The following CYP3A4 variants were observed in gnomAD, a reference collection of about 807,000 sequenced individuals.
The protein encoded by CYP3A4 is cytochrome P450 3A4.
CYP3A4 carries 41 observed loss-of-function variants against 54.9 expected under a neutral mutation model. The ratio of observed to expected loss-of-function variants is 0.75; its 90% confidence interval spans 0.58 to 0.97. The LOEUF (loss-of-function observed/expected upper bound fraction) is 0.97, where lower values mean the gene tolerates loss of function less well. Ranked by LOEUF, CYP3A4 falls within the 50% of genes least tolerant of loss-of-function variation. CYP3A4 has a pLI of 0.00. For missense variants in CYP3A4, 510 were observed against 597.3 expected (o/e 0.85, Z 1.52); for synonymous variants, 179 against 205.2 (o/e 0.87, Z 1.09).
In CYP3A4 at chr7:99,767,253, A is replaced by G. The variant is rs1455730652; in HGVS notation, c.676T>C (p.Phe226Leu). 1.9e-6 allele frequency: 3 copies of G among 1,577,280 alleles called. No individual in the cohort carries two copies. Among genetic ancestry groups the G allele is most frequent in the Non-Finnish European group, 2.6e-6 (3 of 1,168,930 alleles). ...LDPFFLSITVFPFLIPILEVL... is the reference protein window; with the variant it reads ...LDPFFLSITVLPFLIPILEVL... The stretch of plus-strand genomic sequence containing the variant: ...TCAAGAATTGGGATGAGGAATGGAA[A>G]GACTGCTGTAGGAAAAACAAAACAA... The change falls in exon 8 of 13, where the codon TTT (phenylalanine) becomes CTT (leucine). Residue 226 changes from phenylalanine (F) to leucine (L), a missense_variant. By Grantham distance (22) the Phe-to-Leu change is conservative (BLOSUM62 0). Around this residue, in one of 2 missense-constraint regions of CYP3A4, gnomAD observed 272 missense variants for 274.9 expected, o/e 0.99. Coordinates refer to ENST00000651514, the MANE Select transcript of CYP3A4 (RefSeq NM_017460.6).
intron 8 of CYP3A4, chr7:99,766,919 T>C (rs976333752): frequency 2.9e-5 from 13 of 448,700 alleles, no homozygotes; most frequent in African/African-American, 2.6e-4. Flanking sequence ...ATATCAAATT[T>C]CATGTGCTGT....
At position 99,768,360 on chromosome 7, in the gene CYP3A4, A is replaced by G. The variant is rs55785340; in HGVS notation, c.664T>C (p.Ser222Pro). Residue 222 changes from serine (S) to proline (P), a missense_variant, in exon 7 of 13, where the codon TCA becomes CCA. Transcript: ENST00000651514. Reference sequence around the variant, plus strand: ...GAAATAGTAGTCCACATACTTATTGAGAGAAAGAATGGATCCAAAAAATCA... The same window carrying G: ...GAAATAGTAGTCCACATACTTATTGGGAGAAAGAATGGATCCAAAAAATCA... ...RFDFLDPFFL[S>P]ITVFPFLIPI... 696 of 1,613,720 alleles carry G rather than the reference A, an allele frequency of 4.3e-4. 7 individuals are homozygous for G. The highest frequency in any genetic ancestry group is 4.3e-5 in the Non-Finnish European group (51 of 1,179,676).
At chr7:99,770,552 CAG>C (rs1815606761) in intron 4 of CYP3A4, among the ~76,000 whole-genome samples, 1 of 152,104 alleles carries the variant, frequency 6.6e-6, no homozygotes, top group Admixed American at 6.6e-5. Flanking sequence ...GTACAATAAA[CAG>C]AATCAAGACC....
chr7:99,768,282 T>C, intron 7 of CYP3A4, 72 bp downstream of exon 7: 1 of 1,455,292 alleles, frequency 6.9e-7, no homozygotes, highest in Non-Finnish European at 9.6e-7. Context: ...AATTACATGG[T>C]GATTTATATC....
intron 12 of CYP3A4, among the ~76,000 whole-genome samples, chr7:99,759,406 A>G (rs1815259646): frequency 6.9e-6 from 1 of 145,384 alleles, no homozygotes. Flanking sequence ...CTGCAGACAG[A>G]CATGCATGCC....
intron 6 of CYP3A4, 24 bp from the exon 7 acceptor site, chr7:99,768,526 A>G: frequency 1.2e-6 from 2 of 1,613,148 alleles, no homozygotes; most frequent in Non-Finnish European, 1.7e-6. Flanking sequence ...GATGTGGAAA[A>G]TTAAAATCAG....
In CYP3A4 at chr7:99,766,371, G is replaced by C; in HGVS notation, c.865+6C>G. 1 of 1,613,452 alleles carries C rather than the reference G, an allele frequency of 6.2e-7. No individual in the cohort carries two copies. The highest frequency in any genetic ancestry group is 8.5e-7 in the Non-Finnish European group (1 of 1,179,598). On this transcript the variant is annotated splice_donor_region_variant and intron_variant, in intron 9 of 12. Coordinates refer to ENST00000651514, the MANE Select transcript of CYP3A4 (RefSeq NM_017460.6). ...CACAAGTAGCCCTCAGAAACACTCT[G>C]GTTACCTTTGTGGGACTCAGTTTCT...
Position 99,762,213 on chromosome 7 carries a change from T to C in CYP3A4, c.1081A>G (p.Asn361Asp). ...LQMEYLDMVVNETLRLFPIAM... is the reference protein window; with the variant it reads ...LQMEYLDMVVDETLRLFPIAM... ...ATTGGGAATAATCTGAGCGTTTCAT[T>C]CACCACCATGTCAAGATACTCCATC... Residue 361 changes from asparagine to aspartate, a missense_variant, in exon 11 of 13, where the codon AAT becomes GAT. Around this residue, in one of 2 missense-constraint regions of CYP3A4, gnomAD observed 238 missense variants for 322.5 expected, o/e 0.74. Transcript: ENST00000651514. 1 of 1,614,094 alleles carries C rather than the reference T, an allele frequency of 6.2e-7. No individual in the cohort carries two copies. The highest frequency in any genetic ancestry group is 8.5e-7 in the Non-Finnish European group (1 of 1,179,998).
At chr7:99,774,830 A>T (rs1446091066) in intron 3 of CYP3A4, among the ~76,000 whole-genome samples, 1 of 152,228 alleles carries the variant, frequency 6.6e-6, no homozygotes, top group Non-Finnish European at 1.5e-5. Context: ...TAGTGTCGGA[A>T]GTTCTGAATA....
chr7:99,764,116 A>G, intron 9 of CYP3A4, 101 bp from the exon 10 acceptor site: 1 of 1,528,866 alleles, frequency 6.5e-7, no homozygotes, highest in South Asian at 1.2e-5. Context: ...TCCCTAAGGG[A>G]AAAGAATAGA....
intron 2 of CYP3A4, among the ~76,000 whole-genome samples, chr7:99,779,219 G>A (rs1408469318): frequency 1.3e-5 from 2 of 151,100 alleles, no homozygotes; most frequent in East Asian, 2.0e-4. Flanking sequence ...ATGTGATTCC[G>A]CCTTTGTGTA....
chr7:99,777,934 C>T (rs1324468119), intron 3 of CYP3A4, 94 bp downstream of exon 3: 4 of 962,718 alleles, frequency 4.2e-6, no homozygotes, highest in Non-Finnish European at 6.6e-6. Flanking sequence ...AGAGCTTCAT[C>T]CCAAGAGGCT....
In CYP3A4 at chr7:99,762,031, G is replaced by T; in HGVS notation, c.1253+10C>A. 1 of 1,613,600 alleles carries T rather than the reference G, an allele frequency of 6.2e-7. No homozygotes were observed. Among genetic ancestry groups the T allele is most frequent in the Non-Finnish European group, 8.5e-7 (1 of 1,179,596 alleles). ...GTTCAGGGAGGGCTCCCTTCCCAGGGGCCTTGTACCTTTCAGGGAGGAACT... is the reference window on the plus strand; with the variant it reads ...GTTCAGGGAGGGCTCCCTTCCCAGGTGCCTTGTACCTTTCAGGGAGGAACT... On this transcript the variant is annotated intron_variant, in intron 11 of 12. Transcript: ENST00000651514.
intron 2 of CYP3A4, among the ~76,000 whole-genome samples, chr7:99,779,228 TA>T (rs4646436): frequency 2.4e-4 from 36 of 148,358 alleles, no homozygotes; most frequent in African/African-American, 5.4e-4. Flanking sequence ...CGCCTTTGTG[TA>T]AAAAAAAAAC....
At chr7:99,763,370 A>T (rs1815387892) in intron 10 of CYP3A4, among the ~76,000 whole-genome samples, 1 of 152,216 alleles carries the variant, frequency 6.6e-6, no homozygotes, top group South Asian at 2.1e-4. Flanking sequence ...ATCAAATAAC[A>T]TATGAGAAAG....
chr7:99,766,580 C>T, intron 8 of CYP3A4, 137 bp from the exon 9 acceptor site: 1 of 1,052,954 alleles, frequency 9.5e-7, no homozygotes, highest in Admixed American at 2.4e-5. Flanking sequence ...TTGCCTGAAT[C>T]ACCAGTGAAA....
chr7:99,782,031 G>C (rs1292190281), intron 1 of CYP3A4, among the ~76,000 whole-genome samples: 5 of 152,316 alleles, frequency 3.3e-5, no homozygotes, highest in South Asian at 4.1e-4. Flanking sequence ...TTGGATCTTT[G>C]CCCCAGAACA....
At chr7:99,770,811 A>G (rs1382791091) in intron 4 of CYP3A4, among the ~76,000 whole-genome samples, 1 of 152,224 alleles carries the variant, frequency 6.6e-6, no homozygotes, top group African/African-American at 2.4e-5. Flanking sequence ...TCATGGATAG[A>G]AAGAAAAAAG....
chr7:99,774,720 C>T (rs549276264), intron 3 of CYP3A4, among the ~76,000 whole-genome samples: 2 of 152,258 alleles, frequency 1.3e-5, no homozygotes, highest in East Asian at 3.9e-4. Context: ...TTATGACAAA[C>T]CCACAGCCAA....
Sources: allele counts gnomAD v4.1 joint callset (sites outside exome capture counted in the v4.1 genomes callset), GRCh38; gene constraint gnomAD v4.1.1; regional missense constraint gnomAD v4.1.1; transcripts MANE v1.5; gene names NCBI Gene and HGNC (gene_info 2026-07-23, HGNC 2026-07-21).